The following SGK3 variants were observed in gnomAD, a reference collection of about 807,000 sequenced individuals.
SGK3 encodes the protein serum/glucocorticoid regulated kinase family member 3.
In SGK3, 47 loss-of-function variants were observed where a neutral mutation model predicts 68.5. That is an observed-to-expected ratio of 0.69 (90% CI 0.54 to 0.87). The LOEUF is 0.87. Ranked by LOEUF, SGK3 falls within the 40% of genes least tolerant of loss-of-function variation. The pLI is 0.00. For missense variants in SGK3, 479 were observed against 575.5 expected (o/e 0.83, Z 1.72); for synonymous variants, 181 against 189.1 (o/e 0.96, Z 0.35).
rs1240342701 is a variant in SGK3, at chr8:66,787,133, G to A, written c.-121-6483G>A. Among the ~76,000 whole-genome samples, 6 of 151,432 alleles carry A rather than the reference G, an allele frequency of 4.0e-5. No homozygotes were observed. The South Asian group carries it at 6.3e-4, about 16-fold the overall frequency. ...TAATTTTTGTATTTTTAGTAGAGAC[G>A]GGGTTTCACCATGTTAGCCAGGCTG... On this transcript the variant is annotated intron_variant, in intron 1 of 16. Transcript: ENST00000521198.
At chr8:66,745,579 AAAAAC>A (rs554320148) in intron 1 of SGK3, among the ~76,000 whole-genome samples, 1 of 147,540 alleles carries the variant, frequency 6.8e-6, no homozygotes, top group Non-Finnish European at 1.5e-5. Flanking sequence ...CTCAAAAAAC[AAAAAC>A]AAAACAAAAC....
intron 1 of SGK3, among the ~76,000 whole-genome samples, chr8:66,747,120 G>C (rs995560336): frequency 1.1e-4 from 16 of 151,690 alleles, no homozygotes; most frequent in African/African-American, 3.9e-4. Flanking sequence ...GCTAGTGTTT[G>C]TTCATCTTTC....
chr8:66,846,613 C>A (rs1477029628), intron 14 of SGK3, among the ~76,000 whole-genome samples: 1 of 152,142 alleles, frequency 6.6e-6, no homozygotes. Context: ...CACGCCTGGT[C>A]TTTATTTTTA....
chr8:66,823,348 A>G (rs62513063), intron 6 of SGK3, among the ~76,000 whole-genome samples: 162 of 151,444 alleles, frequency 1.1e-3, no homozygotes, highest in Admixed American at 1.2e-3. Context: ...ATATATGTAC[A>G]TAATTAATGT....
chr8:66,768,010 G>C (rs1806378395), intron 1 of SGK3: 2 of 747,808 alleles, frequency 2.7e-6, no homozygotes, highest in Non-Finnish European at 4.9e-6. Context: ...AGCCATTCTG[G>C]ATTATTGCCG....
intron 1 of SGK3, among the ~76,000 whole-genome samples, chr8:66,770,253 C>A (rs1806465535): frequency 6.6e-6 from 1 of 152,118 alleles, no homozygotes. Flanking sequence ...CGTGCCCGGC[C>A]CCTAGTGATT....
At chr8:66,715,645 T>C (rs1319555744) in intron 1 of SGK3, among the ~76,000 whole-genome samples, 1 of 151,318 alleles carries the variant, frequency 6.6e-6, no homozygotes, top group Non-Finnish European at 1.5e-5. Context: ...AATAAAACTA[T>C]GTGTTTTATT....
chr8:66,817,344 T>A (rs112019111), intron 5 of SGK3, among the ~76,000 whole-genome samples: 3,749 of 151,554 alleles, frequency 0.025, 159 homozygotes, highest in African/African-American at 0.085. Flanking sequence ...GGTAGGAGAA[T>A]CGCCTGAACC....
rs139079536 is a variant in SGK3 at position 66,829,939 on chromosome 8, C to T, written c.467+1236C>T. Among the ~76,000 whole-genome samples the T allele has an allele frequency of 4.4e-3, 661 of 149,872 alleles. 6 individuals carry two copies. Among genetic ancestry groups the T allele is most frequent in the African/African-American group, 0.015 (610 of 40,832 alleles). The stretch of plus-strand genomic sequence containing the variant: ...CTAGGCGGGAGTCCAGTGGTGCAAT[C>T]TCCACTCACCGCAGCCTCTGCCTCC... On this transcript the variant is annotated intron_variant, in intron 7 of 16. Coordinates refer to ENST00000521198, the MANE Select transcript of SGK3 (RefSeq NM_001033578.3).
intron 1 of SGK3, among the ~76,000 whole-genome samples, chr8:66,721,526 CATT>C (rs1477094064): frequency 5.9e-5 from 9 of 152,182 alleles, no homozygotes; most frequent in Non-Finnish European, 1.3e-4. Context: ...GAAACATAGA[CATT>C]ATAAAGAACT....
At chr8:66,793,539 C>T (rs1807551434) in intron 1 of SGK3, 77 bp from the exon 2 acceptor site, 1 of 459,568 alleles carries the variant, frequency 2.2e-6, no homozygotes, top group South Asian at 3.4e-5. Flanking sequence ...GAAAATTAGT[C>T]CCATGCTTAA....
intron 2 of SGK3, among the ~76,000 whole-genome samples, chr8:66,797,034 C>G (rs1807727901): frequency 6.6e-6 from 1 of 151,178 alleles, no homozygotes; most frequent in Admixed American, 6.6e-5. Flanking sequence ...TTAATAAGCA[C>G]TTGTTTATAA....
intron 1 of SGK3, among the ~76,000 whole-genome samples, chr8:66,752,179 G>A (rs371984658): frequency 6.6e-6 from 1 of 152,234 alleles, no homozygotes; most frequent in East Asian, 1.9e-4. Flanking sequence ...CAGGGTGGAA[G>A]CTGATGACGT....
chr8:66,781,487 TAGA>T (rs1806977721), intron 1 of SGK3, among the ~76,000 whole-genome samples: 1 of 152,152 alleles, frequency 6.6e-6, no homozygotes, highest in African/African-American at 2.4e-5. Flanking sequence ...TAGTTGAGAT[TAGA>T]AGCATGAGCC....
intron 1 of SGK3, among the ~76,000 whole-genome samples, chr8:66,724,912 C>G (rs1407015348): frequency 6.6e-6 from 1 of 151,998 alleles, no homozygotes; most frequent in African/African-American, 2.4e-5. Context: ...GCCAATATGA[C>G]GAAACCCCGT....
chr8:66,736,612 C>G (rs1410225505), intron 1 of SGK3, among the ~76,000 whole-genome samples: 1 of 151,492 alleles, frequency 6.6e-6, no homozygotes, highest in African/African-American at 2.4e-5. Flanking sequence ...CACATGCCAC[C>G]ATGCCCAGCC....
At position 66,796,121 on chromosome 8, in the gene SGK3, T is replaced by C. The variant is rs1807670851; in HGVS notation, c.96+2289T>C. 2.6e-5 allele frequency among the ~76,000 whole-genome samples: 4 copies of C among 151,792 alleles called. No homozygotes were observed. In the South Asian group the frequency reaches 6.2e-4, roughly 24 times the overall value. On this transcript the variant is annotated intron_variant, in intron 2 of 16. Transcript: ENST00000521198. The stretch of plus-strand genomic sequence containing the variant: ...GTGTTCAGCCTGGGTACTCATGTTA[T>C]CGATAATATTTTTATTTATTTTATT...
chr8:66,811,519 TAAAA>T (rs1453541013), intron 4 of SGK3, among the ~76,000 whole-genome samples: 2 of 152,190 alleles, frequency 1.3e-5, no homozygotes, highest in Non-Finnish European at 2.9e-5. Flanking sequence ...AGTGTTGATC[TAAAA>T]AAGTAAGTTT....
chr8:66,847,667 T>C (rs960489795), intron 15 of SGK3, among the ~76,000 whole-genome samples: 1 of 152,178 alleles, frequency 6.6e-6, no homozygotes, highest in African/African-American at 2.4e-5. Context: ...TTTCACTACC[T>C]AAACTTTCTT....
Sources: allele counts gnomAD v4.1 joint callset (sites outside exome capture counted in the v4.1 genomes callset), GRCh38; gene constraint gnomAD v4.1.1; transcripts MANE v1.5; gene names NCBI Gene and HGNC (gene_info 2026-07-23, HGNC 2026-07-21).